Variants in ARHGEF26 observed in about 807,000 individuals in gnomAD.
The protein encoded by ARHGEF26 is Rho guanine nucleotide exchange factor (GEF) 26.
Under a neutral mutation model 89.4 loss-of-function variants are expected in ARHGEF26, and 59 were observed. The ratio of observed to expected loss-of-function variants is 0.66; its 90% CI spans 0.54 to 0.82. ARHGEF26 has a LOEUF of 0.82. Ranked by LOEUF, ARHGEF26 falls within the 40% of genes least tolerant of loss-of-function variation. ARHGEF26 has a pLI of 0.00. For synonymous variants in ARHGEF26, 500 were observed against 428.4 expected (o/e 1.17, Z -2.06); for missense variants, 1,234 against 1,085.6 (o/e 1.14, Z -1.92).
chr3:154,218,824 A>G (rs1318742211), intron 10 of ARHGEF26, among the ~76,000 whole-genome samples: 2 of 152,184 alleles, frequency 1.3e-5, no homozygotes, highest in Admixed American at 1.3e-4. Flanking sequence ...GTCCAGCTAC[A>G]CCCTTTTATT....
chr3:154,177,812 T>G (rs949319663), intron 6 of ARHGEF26, among the ~76,000 whole-genome samples: 1 of 152,168 alleles, frequency 6.6e-6, no homozygotes, highest in Non-Finnish European at 1.5e-5. Context: ...ATCCACTATC[T>G]GGGGAAGCAG....
At chr3:154,146,635 A>G (rs1438595871) in intron 4 of ARHGEF26, among the ~76,000 whole-genome samples, 7 of 152,212 alleles carry the variant, frequency 4.6e-5, no homozygotes. Flanking sequence ...TTCAGCACCA[A>G]TTATACAGTA....
In ARHGEF26 at chr3:154,203,395, G is replaced by T. The variant is rs537797988; in HGVS notation, c.1845+8677G>T. Among the ~76,000 whole-genome samples the T allele has an allele frequency of 5.6e-4, 85 of 151,946 alleles. 2 individuals carry two copies. The South Asian group carries it at 0.017, about 30-fold the overall frequency. ...CTTTTTGATGTGCTGCTGGATTCGG[G>T]TTACCAGTATTTTATTGAGATCTTA... On this transcript the variant is annotated intron_variant, in intron 9 of 14. Coordinates refer to ENST00000465093, the MANE Select transcript of ARHGEF26 (RefSeq NM_015595.4).
At chr3:154,157,442 C>T (rs1384199869) in intron 6 of ARHGEF26, among the ~76,000 whole-genome samples, 1 of 152,094 alleles carries the variant, frequency 6.6e-6, no homozygotes, top group African/African-American at 2.4e-5. Flanking sequence ...CCATTATGTG[C>T]CCTGCTGAGG....
chr3:154,141,930 C>A (rs1449471825), intron 4 of ARHGEF26, among the ~76,000 whole-genome samples: 1 of 152,192 alleles, frequency 6.6e-6, no homozygotes. Context: ...TTGTTTTCCA[C>A]TGCACTGTAG....
In ARHGEF26 at chr3:154,255,985, A is replaced by G. The variant is rs1242587053; in HGVS notation, c.*512A>G. Reference sequence around the variant, plus strand: ...TTCGTTAACTTCAAAAGGAACTGGTAGAGTTCAGAAGGTGAGCTGTTGTTT... The same window carrying G: ...TTCGTTAACTTCAAAAGGAACTGGTGGAGTTCAGAAGGTGAGCTGTTGTTT... On this transcript the variant is annotated 3_prime_UTR_variant, in exon 15 of 15. Transcript: ENST00000465093. The G allele has an allele frequency of 6.1e-6, 6 of 985,752 alleles. No individual in the cohort carries two copies. Among genetic ancestry groups the G allele is most frequent in the African/African-American group, 1.7e-5 (1 of 57,144 alleles). 61.1% of individuals were successfully genotyped at this position (985,752 alleles called of 1,614,324 possible).
At chr3:154,218,065 G>A (rs1715893031) in intron 10 of ARHGEF26, 107 bp downstream of exon 10, 2 of 1,030,696 alleles carry the variant, frequency 1.9e-6, no homozygotes, top group Non-Finnish European at 2.9e-6. Flanking sequence ...TCAAAGAAGG[G>A]TCATAAATTG....
rs773431219 is a variant in ARHGEF26 at position 154,164,276 on chromosome 3, TAAG to T, written c.1487+11351_1487+11353del. Among the ~76,000 whole-genome samples the T allele has an allele frequency of 8.5e-5, 13 of 152,204 alleles. 1 individual carries two copies. Among genetic ancestry groups the T allele is most frequent in the Admixed American group, 2.0e-4 (3 of 15,278 alleles). On this transcript the variant is annotated intron_variant, in intron 6 of 14. Transcript: ENST00000465093. ...AAAAATTTTGAAATCACCTATATGCTAAGAAGAAGGTGAAGACTGTTTTAGTAT... is the reference window on the plus strand; with the variant it reads ...AAAAATTTTGAAATCACCTATATGCTAAGAAGGTGAAGACTGTTTTAGTAT...
intron 4 of ARHGEF26, among the ~76,000 whole-genome samples, chr3:154,133,376 A>G (rs1055711940): frequency 6.6e-6 from 1 of 152,266 alleles, no homozygotes; most frequent in African/African-American, 2.4e-5. Flanking sequence ...GTTGGGCCTC[A>G]GTAGAATAAT....
intron 9 of ARHGEF26, among the ~76,000 whole-genome samples, chr3:154,210,003 G>A (rs399118): frequency 0.63 from 95,055 of 152,044 alleles, 30,256 homozygotes; most frequent in East Asian, 0.86. Context: ...TTCCAAAGAC[G>A]GGAGCCTCTC....
intron 2 of ARHGEF26, among the ~76,000 whole-genome samples, chr3:154,123,974 T>A (rs184786658): frequency 6.6e-6 from 1 of 152,332 alleles, no homozygotes; most frequent in East Asian, 1.9e-4. Flanking sequence ...CTGGAACCAG[T>A]CTATATAAAT....
intron 10 of ARHGEF26, among the ~76,000 whole-genome samples, chr3:154,218,382 G>A (rs187966841): frequency 0.011 from 1,655 of 152,172 alleles, 23 homozygotes; most frequent in African/African-American, 0.038. Flanking sequence ...AAAACAGATC[G>A]TTAATGGATA....
At chr3:154,254,990 G>A (rs1259587821) in intron 14 of ARHGEF26, among the ~76,000 whole-genome samples, 166 bp downstream of exon 14, 2 of 152,034 alleles carry the variant, frequency 1.3e-5, no homozygotes, top group Admixed American at 6.5e-5. Flanking sequence ...AAACCATGAC[G>A]TTTTCTTTTT....
intron 6 of ARHGEF26, among the ~76,000 whole-genome samples, chr3:154,175,784 A>T (rs1427389101): frequency 6.6e-6 from 1 of 152,144 alleles, no homozygotes. Flanking sequence ...GTTTTGTTTT[A>T]CAAAGAAGCC....
intron 11 of ARHGEF26, among the ~76,000 whole-genome samples, chr3:154,239,304 G>GTA (rs1433932643): frequency 7.6e-5 from 2 of 26,178 alleles, no homozygotes; most frequent in African/African-American, 2.1e-4. Flanking sequence ...GAGAGAGTGT[G>GTA]TGTGTGTGTG....
At chr3:154,198,261 A>G (rs1193118093) in intron 9 of ARHGEF26, among the ~76,000 whole-genome samples, 1 of 152,128 alleles carries the variant, frequency 6.6e-6, no homozygotes, top group Non-Finnish European at 1.5e-5. Flanking sequence ...AAAAGGAAAC[A>G]CTTTTACCCT....
chr3:154,197,573 T>C (rs1714369340), intron 9 of ARHGEF26, among the ~76,000 whole-genome samples: 2 of 152,188 alleles, frequency 1.3e-5, no homozygotes, highest in South Asian at 4.1e-4. Context: ...AAAAGAGTCA[T>C]ACCATTTTGG....
rs527533891 is a variant in ARHGEF26 at position 154,195,707 on chromosome 3, G to A, written c.1845+989G>A. On this transcript the variant is annotated intron_variant, in intron 9 of 14. Coordinates refer to ENST00000465093, the MANE Select transcript of ARHGEF26 (RefSeq NM_015595.4). ...GTTGTCATTGAGATTCCTATAGAAC[G>A]TCCAAGTTGGCTAAATAAACAAATC... Among the ~76,000 whole-genome samples, 17 of 152,264 alleles carry A rather than the reference G, an allele frequency of 1.1e-4. No homozygotes were observed. The East Asian group carries it at 2.5e-3, about 23-fold the overall frequency.
chr3:154,180,817 T>TA (rs150801144), intron 6 of ARHGEF26, among the ~76,000 whole-genome samples: 6 of 152,112 alleles, frequency 3.9e-5, no homozygotes, highest in African/African-American at 1.4e-4. Flanking sequence ...TTGAGACCTT[T>TA]ACCAGATCAG....
Sources: gnomAD v4.1 joint callset for allele counts (sites outside exome capture counted in the v4.1 genomes callset) on GRCh38, gnomAD v4.1.1 for gene constraint, MANE v1.5 for transcripts, NCBI Gene and HGNC (gene_info 2026-07-23, HGNC 2026-07-21) for gene names.